The following NRIP1 variants were observed in gnomAD, a reference collection of about 807,000 sequenced individuals.
NRIP1 encodes the protein nuclear receptor interacting protein 1.
NRIP1 carries 28 observed loss-of-function variants against 75.0 expected under a neutral mutation model. The ratio of observed to expected loss-of-function variants is 0.37; its 90% CI spans 0.28 to 0.51. NRIP1 has a LOEUF of 0.51. NRIP1 is among the 20% of genes least tolerant of loss of function. The pLI is 0.92. For missense variants in NRIP1, 1,435 were observed against 1,343.7 expected (o/e 1.07, Z -1.06); for synonymous variants, 526 against 487.6 (o/e 1.08, Z -1.04).
At chr21:14,995,316 C>A (rs927544198) in intron 3 of NRIP1, among the ~76,000 whole-genome samples, 4 of 152,128 alleles carry the variant, frequency 2.6e-5, no homozygotes, top group African/African-American at 9.7e-5. Flanking sequence ...GAGAAGGAGT[C>A]CTACTGCAGA....
At chr21:15,065,280 C>T (rs1388741894), upstream of NRIP1, among the ~76,000 whole-genome samples, 1 of 152,026 alleles carries the variant, frequency 6.6e-6, no homozygotes, top group African/African-American at 2.4e-5. Flanking sequence ...GCTGCAAGAC[C>T]CGGAGGCAGC....
intron 1 of NRIP1, among the ~76,000 whole-genome samples, chr21:15,055,723 G>A (rs1366810756): frequency 6.6e-6 from 1 of 152,160 alleles, no homozygotes; most frequent in Non-Finnish European, 1.5e-5. Flanking sequence ...AAAAAAGTGT[G>A]AAATAAATCA....
In NRIP1 at chr21:15,063,491, T is replaced by A. The variant is rs533396226; in HGVS notation, c.-538+1254A>T. 2.8e-4 allele frequency among the ~76,000 whole-genome samples: 43 copies of A among 152,358 alleles called. 1 individual carries two copies. In the South Asian group the frequency reaches 8.5e-3, roughly 30 times the overall value. ...ACTTACTAAACCTATGATTCACTAA[T>A]AAGCAGGTTCAATGCAATTCATAAC... On this transcript the variant is annotated intron_variant, in intron 1 of 3. Coordinates refer to ENST00000318948, the MANE Select transcript of NRIP1 (RefSeq NM_003489.4).
intron 2 of NRIP1, among the ~76,000 whole-genome samples, chr21:15,022,657 A>C (rs1195080271): frequency 6.6e-6 from 1 of 152,252 alleles, no homozygotes; most frequent in Non-Finnish European, 1.5e-5. Context: ...TACTCTTTGG[A>C]GAATGCAAAA....
chr21:14,966,844 T>C lies in NRIP1; in HGVS notation c.1349A>G (p.Glu450Gly). The C allele has an allele frequency of 6.2e-7, 1 of 1,614,150 alleles. No individual in the cohort carries two copies. The highest frequency in any genetic ancestry group is 8.5e-7 in the Non-Finnish European group (1 of 1,180,004). ...AACAGGTTGGTCAGATTCTGATTTT[T>C]CAGTTCGGTGTTTGCAAGACAAGTC... Reference protein sequence around the residue: ...PIDLSCKHRTEKSESDQPVSL... With the variant: ...PIDLSCKHRTGKSESDQPVSL... Residue 450 changes from glutamate (E) to glycine (G), a missense_variant, in exon 4 of 4, where the codon GAA becomes GGA. Glu to Gly is a moderately conservative substitution (Grantham distance 98). Coordinates refer to ENST00000318948, the MANE Select transcript of NRIP1 (RefSeq NM_003489.4).
chr21:15,003,581 A>G (rs1278023066), intron 3 of NRIP1, among the ~76,000 whole-genome samples: 1 of 152,174 alleles, frequency 6.6e-6, no homozygotes, highest in Non-Finnish European at 1.5e-5. Flanking sequence ...TCCCTCAAGT[A>G]GCAGGAGGCC....
At chr21:15,024,565 A>AGTGTGTGT (rs2088467760) in intron 2 of NRIP1, among the ~76,000 whole-genome samples, 1 of 118,284 alleles carries the variant, frequency 8.5e-6, no homozygotes, top group African/African-American at 4.8e-5. Context: ...TTTGGTATCC[A>AGTGTGTGT]GAGTGTGTGT....
At chr21:15,011,792 T>G (rs1214815597) in intron 3 of NRIP1, among the ~76,000 whole-genome samples, 1 of 152,144 alleles carries the variant, frequency 6.6e-6, no homozygotes, top group Admixed American at 6.5e-5. Flanking sequence ...TATTATACAC[T>G]GAGATAAACA....
chr21:15,056,446 T>TAA (rs1165234801), intron 1 of NRIP1, among the ~76,000 whole-genome samples: 1 of 152,176 alleles, frequency 6.6e-6, no homozygotes, highest in Non-Finnish European at 1.5e-5. Context: ...ATGGTAAATT[T>TAA]AAAAAAGACT....
chr21:15,028,539 A>C (rs2088574428), intron 2 of NRIP1, among the ~76,000 whole-genome samples: 1 of 152,182 alleles, frequency 6.6e-6, no homozygotes, highest in Non-Finnish European at 1.5e-5. Flanking sequence ...ATTTTTTACA[A>C]GGTTTGGGGC....
intron 3 of NRIP1, among the ~76,000 whole-genome samples, chr21:15,006,404 A>G (rs1346460960): frequency 6.6e-6 from 1 of 152,234 alleles, no homozygotes; most frequent in East Asian, 1.9e-4. Flanking sequence ...TTACTCTAGA[A>G]CAACAAAAGG....
At chr21:14,988,239 TAAATA>T (rs1247390413) in intron 3 of NRIP1, 1 of 152,182 alleles carries the variant, frequency 6.6e-6, no homozygotes, top group Non-Finnish European at 1.5e-5. Flanking sequence ...ACTGTTGTAT[TAAATA>T]AAAGGTACAT....
intron 2 of NRIP1, 36 bp downstream of exon 2, chr21:15,043,459 T>C (rs1481378122): frequency 6.6e-6 from 1 of 152,188 alleles, no homozygotes; most frequent in Non-Finnish European, 1.5e-5. Flanking sequence ...CTTGATAACA[T>C]TTTTAAAAGT....
rs569048684 is a variant in NRIP1 at position 15,061,925 on chromosome 21, T to G, written c.-538+2820A>C. The stretch of plus-strand genomic sequence containing the variant: ...AGGATGGCATATCTCCTTATCTTAT[T>G]TGTTCCATTAGATTGGCATATTTTG... On this transcript the variant is annotated intron_variant, in intron 1 of 3. Transcript: ENST00000318948. 2.0e-5 allele frequency among the ~76,000 whole-genome samples: 3 copies of G among 152,372 alleles called. No homozygotes were observed. The South Asian group carries it at 6.2e-4, about 32-fold the overall frequency.
In NRIP1 at chr21:14,961,774, T is replaced by C. The variant is rs1459741151; in HGVS notation, c.*2942A>G. ...GTAATCACAACTTAAATAAAAGGTT[T>C]ATTCTATACATTTGTCCAGACTTGC... On this transcript the variant is annotated 3_prime_UTR_variant, in exon 4 of 4. Transcript: ENST00000318948. 6.6e-6 allele frequency: 1 copy of C among 152,238 alleles called. No homozygotes were observed. The highest frequency in any genetic ancestry group is 6.6e-5 in the Admixed American group (1 of 15,204). The allele number at this position is 152,238 out of a possible 1,614,324, so 9.4% of individuals were successfully genotyped here. A position where few individuals can be genotyped will look rare whatever the true frequency, so the allele number is the denominator to read the frequency against.
intron 3 of NRIP1, among the ~76,000 whole-genome samples, chr21:14,977,797 G>A (rs1443108593): frequency 6.6e-6 from 1 of 152,126 alleles, no homozygotes; most frequent in Non-Finnish European, 1.5e-5. Context: ...TTATCTTTAT[G>A]AAAAGGTAGA....
chr21:14,999,292 A>G (rs12483192), intron 3 of NRIP1, among the ~76,000 whole-genome samples: 24,049 of 152,086 alleles, frequency 0.16, 2,360 homozygotes, highest in East Asian at 0.23. Context: ...AATTTTATGT[A>G]AAGTTTTCTT....
intron 1 of NRIP1, among the ~76,000 whole-genome samples, chr21:15,045,992 C>T (rs1445450852): frequency 2.0e-5 from 3 of 152,230 alleles, no homozygotes; most frequent in South Asian, 4.1e-4. Flanking sequence ...TCCACCACAT[C>T]TGCAGTTACT....
chr21:15,055,456 C>T (rs1317619978), intron 1 of NRIP1, among the ~76,000 whole-genome samples: 1 of 152,182 alleles, frequency 6.6e-6, no homozygotes, highest in Non-Finnish European at 1.5e-5. Flanking sequence ...CTGGAAATTA[C>T]ATTTCAAGTA....
Sources: gnomAD v4.1 joint callset for allele counts (sites outside exome capture counted in the v4.1 genomes callset) on GRCh38, gnomAD v4.1.1 for gene constraint, MANE v1.5 for transcripts, NCBI Gene and HGNC (gene_info 2026-07-23, HGNC 2026-07-21) for gene names.